CBFA2T2: variants seen among roughly 807,000 people sequenced by gnomAD.
CBFA2T2 encodes protein CBFA2T2.
CBFA2T2 carries 11 observed loss-of-function variants against 62.2 expected under a neutral mutation model. The observed-to-expected ratio is 0.18, with a 90% CI of 0.11 to 0.29. The LOEUF (loss-of-function observed/expected upper bound fraction) is 0.29. Ranked by LOEUF, CBFA2T2 falls within the 10% of genes least tolerant of loss-of-function variation. CBFA2T2 has a pLI of 1.00. For synonymous variants in CBFA2T2, 295 were observed against 287.5 expected, an observed-to-expected ratio of 1.03 and a Z score of -0.27; for missense variants, 592 against 774.1, an observed-to-expected ratio of 0.76 and a Z score of 2.79.
chr20:33,496,328 A>G (rs1406439008), intron 1 of CBFA2T2, among the ~76,000 whole-genome samples: 1 of 152,250 alleles, frequency 6.6e-6, no homozygotes, highest in Non-Finnish European at 1.5e-5. Context: ...GGCAGGGGCC[A>G]GATGGCAAAG....
intron 9 of CBFA2T2, among the ~76,000 whole-genome samples, chr20:33,638,156 G>T (rs1306077700): frequency 6.6e-6 from 1 of 151,380 alleles, no homozygotes; most frequent in Non-Finnish European, 1.5e-5. Context: ...TGTATTTTTA[G>T]TAGAGATGGG....
chr20:33,591,485 A>T (rs7347635), intron 1 of CBFA2T2, among the ~76,000 whole-genome samples: 1 of 144,200 alleles, frequency 6.9e-6, no homozygotes, highest in South Asian at 2.2e-4. Context: ...AAAAAAAAAA[A>T]GAAAAAAATG....
At chr20:33,510,391 T>C (rs1221536279) in intron 1 of CBFA2T2, among the ~76,000 whole-genome samples, 1 of 151,454 alleles carries the variant, frequency 6.6e-6, no homozygotes, top group Non-Finnish European at 1.5e-5. Flanking sequence ...TTTTTGTATT[T>C]TTAGTAGAGA....
intron 5 of CBFA2T2, among the ~76,000 whole-genome samples, chr20:33,624,173 T>C (rs1423345388): frequency 6.7e-6 from 1 of 149,594 alleles, no homozygotes; most frequent in Non-Finnish European, 1.5e-5. Flanking sequence ...AAATATTCTA[T>C]GGGTTATCAA....
At chr20:33,618,858 C>T (rs1216789895) in intron 3 of CBFA2T2, among the ~76,000 whole-genome samples, 3 of 152,164 alleles carry the variant, frequency 2.0e-5, no homozygotes, top group Non-Finnish European at 4.4e-5. Flanking sequence ...AAGTGACTTG[C>T]AATGAACCCC....
At chr20:33,586,650 C>T (rs1249891740) in intron 1 of CBFA2T2, among the ~76,000 whole-genome samples, 1 of 152,094 alleles carries the variant, frequency 6.6e-6, no homozygotes, top group East Asian at 1.9e-4. Flanking sequence ...TCAAGAGATT[C>T]TATATAATCA....
chr20:33,490,455 G>C, intron 1 of CBFA2T2, among the ~76,000 whole-genome samples, 154 bp downstream of exon 1: 1 of 152,164 alleles, frequency 6.6e-6, no homozygotes, highest in African/African-American at 2.4e-5. Flanking sequence ...AGCGGGGCGG[G>C]CCTTCCCGGG....
chr20:33,617,933 T>G (rs1218739369), intron 3 of CBFA2T2, among the ~76,000 whole-genome samples: 1 of 152,192 alleles, frequency 6.6e-6, no homozygotes, highest in African/African-American at 2.4e-5. Flanking sequence ...GAAATAACTG[T>G]TATTGTGATT....
chr20:33,629,742 G>A lies in CBFA2T2; in HGVS notation c.1056G>A (p.Met352Ile), dbSNP rs768371975. ...AGGCGCTGAATTGCATTATGGAAAT[G>A]GTAGAGAAAACAAGGCGCTCTATGG... ...LDHALNCIME[M>I]VEKTRRSMAV... is the part of the protein sequence containing the mutation. Residue 352 changes from methionine (M) to isoleucine (I), a missense_variant, in exon 8 of 11, where the codon ATG (methionine) becomes ATA (isoleucine). Met to Ile is a conservative substitution (Grantham distance 10). Around this residue, in one of 3 missense-constraint regions of CBFA2T2, gnomAD observed 449 missense variants for 551.2 expected, o/e 0.81. Transcript: ENST00000342704. The A allele has an allele frequency of 2.5e-6, 4 of 1,613,708 alleles. No individual in the cohort carries two copies. The highest frequency in any genetic ancestry group is 3.4e-6 in the Non-Finnish European group (4 of 1,179,926).
intron 1 of CBFA2T2, among the ~76,000 whole-genome samples, chr20:33,490,633 C>T (rs978286288): frequency 1.3e-5 from 2 of 152,186 alleles, no homozygotes; most frequent in Non-Finnish European, 2.9e-5. Context: ...GCCACGAAGT[C>T]CGGCTCCTGG....
At chr20:33,553,211 A>G (rs958334995) in intron 1 of CBFA2T2, among the ~76,000 whole-genome samples, 1 of 152,092 alleles carries the variant, frequency 6.6e-6, no homozygotes, top group African/African-American at 2.4e-5. Context: ...CGTTGTTGCT[A>G]TAAATCAGAG....
chr20:33,500,243 C>T (rs913516182), intron 1 of CBFA2T2, among the ~76,000 whole-genome samples: 11 of 152,158 alleles, frequency 7.2e-5, no homozygotes, highest in African/African-American at 2.4e-4. Flanking sequence ...ACGTGAGCCA[C>T]TGCGCCCAGC....
chr20:33,560,858 CT>C (rs1028763056), intron 1 of CBFA2T2, among the ~76,000 whole-genome samples: 3 of 152,120 alleles, frequency 2.0e-5, no homozygotes, highest in African/African-American at 7.2e-5. Context: ...CCGCCTTCCC[CT>C]GGCCATCTTT....
In CBFA2T2 at chr20:33,568,127, C is replaced by A. The variant is rs555009494; in HGVS notation, c.35-38829C>A. Among the ~76,000 whole-genome samples, 320 of 152,218 alleles carry A rather than the reference C, an allele frequency of 2.1e-3. 2 individuals carry two copies. Among genetic ancestry groups the A allele is most frequent in the Non-Finnish European group, 3.1e-3 (210 of 68,026 alleles). On this transcript the variant is annotated intron_variant, in intron 1 of 10. Coordinates refer to ENST00000342704, the MANE Select transcript of CBFA2T2 (RefSeq NM_001032999.3). Reference sequence around the variant, plus strand: ...TAACCATAAGCTGATTTAACCTTCACCTCTAAGCCTCAGTTTTCTCAGCTG... The same window carrying A: ...TAACCATAAGCTGATTTAACCTTCAACTCTAAGCCTCAGTTTTCTCAGCTG...
intron 1 of CBFA2T2, among the ~76,000 whole-genome samples, chr20:33,549,486 TAAAG>T (rs1183729569): frequency 1.3e-5 from 2 of 152,132 alleles, no homozygotes; most frequent in African/African-American, 2.4e-5. Flanking sequence ...TTTGCTAAAT[TAAAG>T]AAGCCACAAA....
At chr20:33,639,018 C>T (rs1191503507) in intron 9 of CBFA2T2, 1 of 152,234 alleles carries the variant, frequency 6.6e-6, no homozygotes, top group East Asian at 1.9e-4. Flanking sequence ...AGAGGCACCT[C>T]CACCTTCTCA....
At chr20:33,602,983 G>T (rs752988475) in intron 1 of CBFA2T2, among the ~76,000 whole-genome samples, 9 of 152,166 alleles carry the variant, frequency 5.9e-5, no homozygotes, top group Non-Finnish European at 1.2e-4. Flanking sequence ...ACAAAGGGAT[G>T]ATTCACATCC....
chr20:33,529,769 A>ATTTCTTTTTT (rs2011998175), intron 1 of CBFA2T2, among the ~76,000 whole-genome samples: 1 of 109,810 alleles, frequency 9.1e-6, no homozygotes, highest in African/African-American at 3.3e-5. Context: ...ATATATATAT[A>ATTTCTTTTTT]TATATATATA....
chr20:33,565,674 T>C (rs1389449393), intron 1 of CBFA2T2, among the ~76,000 whole-genome samples: 1 of 152,116 alleles, frequency 6.6e-6, no homozygotes, highest in Non-Finnish European at 1.5e-5. Flanking sequence ...CCAAGATACA[T>C]TTGAGTTGAA....
Sources: gnomAD v4.1 joint callset for allele counts (sites outside exome capture counted in the v4.1 genomes callset) on GRCh38, gnomAD v4.1.1 for gene constraint, gnomAD v4.1.1 regional missense constraint, MANE v1.5 for transcripts, NCBI Gene and HGNC (gene_info 2026-07-23, HGNC 2026-07-21) for gene names.